Variants in ARL8B observed in about 807,000 individuals in gnomAD.
The protein encoded by ARL8B is ARF like GTPase 8B, also known as ADP-ribosylation factor-like protein 8B.
In ARL8B, 9 loss-of-function variants were observed where a neutral mutation model predicts 30.6. That is an observed-to-expected ratio of 0.29 (90% CI 0.18 to 0.51). The LOEUF (loss-of-function observed/expected upper bound fraction) is 0.51, where lower values mean the gene tolerates loss of function less well. Among genes scored for constraint, ARL8B ranks in the 20% least tolerant of loss-of-function variants. The probability of loss-of-function intolerance (pLI) is 0.97; values close to 1 mark genes in which losing one functional copy is unlikely to be tolerated. For missense variants in ARL8B, 130 were observed against 227.2 expected, an observed-to-expected ratio of 0.57 and a Z score of 2.75; for synonymous variants, 74 against 76.0, an observed-to-expected ratio of 0.97 and a Z score of 0.14.
In ARL8B at chr3:5,140,116, G is replaced by A. The variant is rs913307812; in HGVS notation, c.123+17528G>A. Among the ~76,000 whole-genome samples, 66 of 151,730 alleles carry A rather than the reference G, an allele frequency of 4.3e-4. 3 individuals carry two copies. Among genetic ancestry groups the A allele is most frequent in the South Asian group, 4.2e-4 (2 of 4,802 alleles). On this transcript the variant is annotated intron_variant, in intron 1 of 6. Coordinates refer to ENST00000256496, the MANE Select transcript of ARL8B (RefSeq NM_018184.3). The stretch of plus-strand genomic sequence containing the variant: ...GTTTTTGTTCCTCACTTTGGGGAGC[G>A]TGTGTGGCAGTGTTTAAAAATAATG...
At chr3:5,163,814 G>C (rs527756170) in intron 1 of ARL8B, among the ~76,000 whole-genome samples, 14 of 152,160 alleles carry the variant, frequency 9.2e-5, no homozygotes, top group Non-Finnish European at 1.9e-4. Flanking sequence ...AGGTTGCAGT[G>C]AGCCGAGATC....
Position 5,153,814 on chromosome 3 carries a change from C to T in ARL8B, c.124-16689C>T, listed in dbSNP as rs112675459. ...TTCCTTTAACATTTCTTTTAGAGCA[C>T]GTCTGCTGGCTACAGATTTTAGTTT... On this transcript the variant is annotated intron_variant, in intron 1 of 6. Transcript: ENST00000256496. Among the ~76,000 whole-genome samples, 588 of 152,192 alleles carry T rather than the reference C, an allele frequency of 3.9e-3. 5 individuals are homozygous for T. Among genetic ancestry groups the T allele is most frequent in the African/African-American group, 0.014 (562 of 41,542 alleles).
rs1186219035 is a variant in ARL8B at position 5,128,252 on chromosome 3, A to G, written c.123+5664A>G. On this transcript the variant is annotated intron_variant, in intron 1 of 6. Coordinates refer to ENST00000256496, the MANE Select transcript of ARL8B (RefSeq NM_018184.3). ...TTCTTTGGAGGTAAGAATGGCAAAA[A>G]CCATTTTTAAAGAAAATGGGCTGTG... 2.6e-5 allele frequency among the ~76,000 whole-genome samples: 4 copies of G among 152,228 alleles called. 1 individual carries two copies. Among genetic ancestry groups the G allele is most frequent in the Non-Finnish European group, 1.5e-5 (1 of 68,024 alleles).
chr3:5,150,900 A>G (rs1006252025), intron 1 of ARL8B, among the ~76,000 whole-genome samples: 3 of 152,202 alleles, frequency 2.0e-5, no homozygotes, highest in Non-Finnish European at 2.9e-5. Flanking sequence ...CAGTAGAGAG[A>G]GGGCCGTTTT....
chr3:5,161,150 C>T (rs145413548), intron 1 of ARL8B, among the ~76,000 whole-genome samples: 173 of 152,318 alleles, frequency 1.1e-3, no homozygotes, highest in African/African-American at 4.0e-3. Flanking sequence ...AAGCAATCCA[C>T]CCACTTTGGC....
In ARL8B at chr3:5,180,059, T is replaced by C. The variant is rs562437441; in HGVS notation, c.*1346T>C. 5 of 152,828 alleles carry C rather than the reference T, an allele frequency of 3.3e-5. No homozygotes were observed. The East Asian group carries it at 9.6e-4, about 29-fold the overall frequency. 9.5% of individuals were successfully genotyped at this position (152,828 alleles called of 1,614,324 possible). On this transcript the variant is annotated 3_prime_UTR_variant, in exon 7 of 7. Transcript: ENST00000256496. ...TAAAACTCTATGGTACACCTGCTTA[T>C]GTGTTGCCTCACACTGTGTGTGATT...
At chr3:5,157,322 A>G (rs1370041046) in intron 1 of ARL8B, among the ~76,000 whole-genome samples, 4 of 152,128 alleles carry the variant, frequency 2.6e-5, no homozygotes, top group Admixed American at 2.0e-4. Context: ...TATCAGATGT[A>G]TTACTCCAGT....
At chr3:5,158,737 C>T (rs890984251) in intron 1 of ARL8B, among the ~76,000 whole-genome samples, 1 of 151,966 alleles carries the variant, frequency 6.6e-6, no homozygotes, top group South Asian at 2.1e-4. Context: ...TATGTTATAC[C>T]GAAATGGTTG....
chr3:5,180,897 C>G lies in ARL8B; in HGVS notation c.*2184C>G, dbSNP rs1167924493. 1.3e-5 allele frequency: 2 copies of G among 152,402 alleles called. No individual in the cohort carries two copies. Among genetic ancestry groups the G allele is most frequent in the African/African-American group, 4.8e-5 (2 of 41,418 alleles). 9.4% of individuals were successfully genotyped at this position (152,402 alleles called of 1,614,324 possible). A position where few individuals can be genotyped will look rare whatever the true frequency, so the allele number is the denominator to read the frequency against. On this transcript the variant is annotated 3_prime_UTR_variant, in exon 7 of 7. Transcript: ENST00000256496. ...GTGGGCTAGTTAAAATAGAAATAAACTTTTAAAATATCCACAGAATTGATA... is the reference window on the plus strand; with the variant it reads ...GTGGGCTAGTTAAAATAGAAATAAAGTTTTAAAATATCCACAGAATTGATA...
intron 1 of ARL8B, among the ~76,000 whole-genome samples, chr3:5,161,103 A>T (rs1326886044): frequency 6.6e-6 from 1 of 152,186 alleles, no homozygotes; most frequent in African/African-American, 2.4e-5. Flanking sequence ...TATTTTTTGT[A>T]GAGATGGGGT....
intron 1 of ARL8B, among the ~76,000 whole-genome samples, chr3:5,126,166 T>C (rs999178560): frequency 3.9e-5 from 6 of 151,984 alleles, no homozygotes; most frequent in African/African-American, 9.7e-5. Context: ...CTGATTCTTA[T>C]AGAATATGTT....
intron 1 of ARL8B, among the ~76,000 whole-genome samples, chr3:5,151,207 G>C (rs1043573195): frequency 6.6e-6 from 1 of 151,814 alleles, no homozygotes; most frequent in African/African-American, 2.4e-5. Flanking sequence ...GCTTGTTTTG[G>C]ATTTATTTTG....
At position 5,153,639 on chromosome 3, in the gene ARL8B, A is replaced by T. The variant is rs567458655; in HGVS notation, c.124-16864A>T. 1.9e-3 allele frequency among the ~76,000 whole-genome samples: 283 copies of T among 151,912 alleles called. 4 individuals are homozygous for T. Among genetic ancestry groups the T allele is most frequent in the African/African-American group, 4.3e-3 (177 of 41,314 alleles). On this transcript the variant is annotated intron_variant, in intron 1 of 6. Coordinates refer to ENST00000256496, the MANE Select transcript of ARL8B (RefSeq NM_018184.3). ...ATTTTACCTATTCTTTGAAAAAAAA[A>T]TTTTTTCCTTTCAGCCATCAAACAT...
intron 6 of ARL8B, among the ~76,000 whole-genome samples, chr3:5,176,809 A>AT (rs1400231301): frequency 6.6e-6 from 1 of 152,194 alleles, no homozygotes; most frequent in African/African-American, 2.4e-5. Flanking sequence ...CCATGAGAGC[A>AT]TTTATTTCTA....
At chr3:5,154,365 G>A (rs3899068) in intron 1 of ARL8B, among the ~76,000 whole-genome samples, 57,994 of 149,072 alleles carry the variant, frequency 0.39, 12,902 homozygotes, top group African/African-American at 0.63. Flanking sequence ...ACAGGGTCTC[G>A]CTGTGTTGCC....
At chr3:5,131,314 A>G (rs574253830) in intron 1 of ARL8B, among the ~76,000 whole-genome samples, 1 of 152,272 alleles carries the variant, frequency 6.6e-6, no homozygotes, top group Admixed American at 6.5e-5. Flanking sequence ...AAAGAAAGGA[A>G]ACCTACATTT....
Position 5,145,382 on chromosome 3 carries a change from G to A in ARL8B, c.123+22794G>A, listed in dbSNP as rs148978636. Among the ~76,000 whole-genome samples the A allele has an allele frequency of 9.0e-3, 1,370 of 152,146 alleles. 17 individuals carry two copies. The highest frequency in any genetic ancestry group is 0.031 in the African/African-American group (1,285 of 41,506). The stretch of plus-strand genomic sequence containing the variant: ...TTTAATATATTCCTGACCTGGTGTG[G>A]GGTGCTTACTATTAGGGCCCCACCA... On this transcript the variant is annotated intron_variant, in intron 1 of 6. Coordinates refer to ENST00000256496, the MANE Select transcript of ARL8B (RefSeq NM_018184.3).
At chr3:5,148,518 G>A (rs562807766) in intron 1 of ARL8B, among the ~76,000 whole-genome samples, 1 of 152,242 alleles carries the variant, frequency 6.6e-6, no homozygotes, top group South Asian at 2.1e-4. Flanking sequence ...TTTGTGAGAT[G>A]TATGGAGGGG....
intron 1 of ARL8B, among the ~76,000 whole-genome samples, chr3:5,168,670 G>T (rs1352202205): frequency 6.6e-6 from 1 of 152,228 alleles, no homozygotes; most frequent in Non-Finnish European, 1.5e-5. Context: ...GGGCCCTTGA[G>T]TGTTATCTAA....
Sources: gnomAD v4.1 joint callset for allele counts (sites outside exome capture counted in the v4.1 genomes callset) on GRCh38, gnomAD v4.1.1 for gene constraint, MANE v1.5 for transcripts, NCBI Gene and HGNC (gene_info 2026-07-23, HGNC 2026-07-21) for gene names.